MYO3B: variants seen among roughly 807,000 people sequenced by gnomAD.
MYO3B encodes myosin IIIB.
Under a neutral mutation model 174.6 loss-of-function variants are expected in MYO3B, and 156 were observed. That is an observed-to-expected ratio of 0.89 (90% CI 0.78 to 1.02). The LOEUF (loss-of-function observed/expected upper bound fraction) is 1.02. MYO3B is among the 50% of genes least tolerant of loss of function. The pLI, the probability that MYO3B is intolerant of heterozygous loss-of-function variation, is 0.00. For synonymous variants in MYO3B, 563 were observed against 569.1 expected (o/e 0.99, Z 0.15); for missense variants, 1,632 against 1,639.4 (o/e 1.00, Z 0.08).
chr2:170,467,107 C>A (rs11680017), intron 25 of MYO3B, among the ~76,000 whole-genome samples: 1 of 151,932 alleles, frequency 6.6e-6, no homozygotes, highest in Non-Finnish European at 1.5e-5. Flanking sequence ...TTACATAACA[C>A]CTGAAGTATC....
intron 32 of MYO3B, among the ~76,000 whole-genome samples, chr2:170,639,919 C>G (rs1016822064): frequency 3.9e-5 from 6 of 152,190 alleles, no homozygotes; most frequent in Non-Finnish European, 7.3e-5. Context: ...CTACTTTGGG[C>G]TCAAGCCATT....
At position 170,530,152 on chromosome 2, in the gene MYO3B, A is replaced by G. The variant is rs145363628; in HGVS notation, c.3575+10612A>G. 1.1e-3 allele frequency among the ~76,000 whole-genome samples: 166 copies of G among 152,306 alleles called. 1 individual carries two copies. The highest frequency in any genetic ancestry group is 3.8e-3 in the African/African-American group (159 of 41,578). On this transcript the variant is annotated intron_variant, in intron 30 of 34. Transcript: ENST00000408978. The stretch of plus-strand genomic sequence containing the variant: ...TGTCTCCTTGATGAATAGACAAAAC[A>G]GGAGGAGGGGTGAATTTGTTCTTTT...
chr2:170,378,080 A>C (rs11428142), intron 9 of MYO3B, among the ~76,000 whole-genome samples: 1 of 122,714 alleles, frequency 8.1e-6, no homozygotes, highest in African/African-American at 2.8e-5. Context: ...CAATAAAATT[A>C]AAAAAATAAA....
intron 32 of MYO3B, among the ~76,000 whole-genome samples, chr2:170,607,291 A>ATC (rs1369881237): frequency 1.3e-5 from 2 of 152,254 alleles, no homozygotes; most frequent in East Asian, 3.8e-4. Context: ...ATGATGCAGA[A>ATC]ATAAACAATC....
chr2:170,224,254 C>A (rs1324331014), intron 6 of MYO3B, among the ~76,000 whole-genome samples: 1 of 152,200 alleles, frequency 6.6e-6, no homozygotes, highest in Non-Finnish European at 1.5e-5. Flanking sequence ...TCCATTTGAT[C>A]ACTGAGGAAA....
intron 30 of MYO3B, among the ~76,000 whole-genome samples, chr2:170,542,286 G>C (rs997326496): frequency 2.6e-5 from 4 of 152,192 alleles, no homozygotes; most frequent in African/African-American, 9.6e-5. Flanking sequence ...CAAAAATTGG[G>C]GACCCAGACC....
intron 32 of MYO3B, among the ~76,000 whole-genome samples, chr2:170,599,877 AT>A (rs1399628379): frequency 6.6e-6 from 1 of 152,150 alleles, no homozygotes; most frequent in East Asian, 1.9e-4. Flanking sequence ...TGCTTTTATC[AT>A]TTTTTAAATT....
chr2:170,392,557 T>C, intron 16 of MYO3B, 62 bp downstream of exon 16: 2 of 1,096,380 alleles, frequency 1.8e-6, no homozygotes, highest in Non-Finnish European at 2.5e-6. Context: ...TGAGTAAAGA[T>C]GTGGTATTTC....
At chr2:170,553,102 C>T (rs552273183) in intron 32 of MYO3B, among the ~76,000 whole-genome samples, 3 of 152,258 alleles carry the variant, frequency 2.0e-5, no homozygotes, top group South Asian at 2.1e-4. Context: ...TGCAGAGCCT[C>T]ATGGAGAACC....
intron 7 of MYO3B, among the ~76,000 whole-genome samples, chr2:170,276,508 C>T (rs989572498): frequency 1.3e-5 from 2 of 152,106 alleles, no homozygotes; most frequent in African/African-American, 4.8e-5. Context: ...GTAGCCTAAC[C>T]GTCCTGCCAT....
At chr2:170,376,819 CAG>C (rs747140683) in intron 9 of MYO3B, among the ~76,000 whole-genome samples, 1 of 152,170 alleles carries the variant, frequency 6.6e-6, no homozygotes, top group Non-Finnish European at 1.5e-5. Context: ...TTTCTCAGTG[CAG>C]AGATTAACTT....
chr2:170,267,978 C>T (rs1486832846), intron 7 of MYO3B, among the ~76,000 whole-genome samples: 2 of 152,086 alleles, frequency 1.3e-5, no homozygotes, highest in African/African-American at 4.8e-5. Context: ...GAGGCCGAGG[C>T]GGGTGGATTA....
At chr2:170,303,199 A>T (rs2093677537) in intron 7 of MYO3B, among the ~76,000 whole-genome samples, 1 of 152,126 alleles carries the variant, frequency 6.6e-6, no homozygotes, top group Non-Finnish European at 1.5e-5. Flanking sequence ...TCTCCTACTA[A>T]AAAAAGTATT....
In MYO3B at chr2:170,632,451, C is replaced by G. The variant is rs564331025; in HGVS notation, c.3734-19177C>G. Among the ~76,000 whole-genome samples, 332 of 152,158 alleles carry G rather than the reference C, an allele frequency of 2.2e-3. 3 individuals are homozygous for G. The highest frequency in any genetic ancestry group is 7.7e-3 in the African/African-American group (318 of 41,514). On this transcript the variant is annotated intron_variant, in intron 32 of 34. Transcript: ENST00000408978. Reference sequence around the variant, plus strand: ...CCAACGAGAACAAAGACACAACATACCAGAATCTCTGGGACACATTTAAAG... The same window carrying G: ...CCAACGAGAACAAAGACACAACATAGCAGAATCTCTGGGACACATTTAAAG...
intron 32 of MYO3B, among the ~76,000 whole-genome samples, chr2:170,599,103 C>G (rs758997856): frequency 2.0e-5 from 3 of 152,066 alleles, no homozygotes; most frequent in Admixed American, 6.5e-5. Flanking sequence ...TGTTCATTTT[C>G]TTCAGTGTTT....
chr2:170,338,203 G>A (rs1054881220), intron 8 of MYO3B: 3 of 152,186 alleles, frequency 2.0e-5, no homozygotes, highest in Non-Finnish European at 2.9e-5. Flanking sequence ...ATGCCTTTGA[G>A]TATGCATACT....
chr2:170,554,078 C>G (rs1575156902), intron 32 of MYO3B, among the ~76,000 whole-genome samples: 1 of 152,080 alleles, frequency 6.6e-6, no homozygotes, highest in South Asian at 2.1e-4. Flanking sequence ...TTGGGTGGTT[C>G]TTTATAGCAA....
At chr2:170,464,629 A>G (rs979076781) in intron 24 of MYO3B, among the ~76,000 whole-genome samples, 5 of 152,174 alleles carry the variant, frequency 3.3e-5, no homozygotes, top group African/African-American at 1.2e-4. Flanking sequence ...TGGGCTCGGT[A>G]TGAATTGCAG....
intron 32 of MYO3B, among the ~76,000 whole-genome samples, chr2:170,618,286 G>A (rs978438162): frequency 6.6e-6 from 1 of 152,134 alleles, no homozygotes; most frequent in African/African-American, 2.4e-5. Context: ...AAGGAATATA[G>A]GCCCAATATG....
Sources: allele counts gnomAD v4.1 joint callset (sites outside exome capture counted in the v4.1 genomes callset), GRCh38; gene constraint gnomAD v4.1.1; transcripts MANE v1.5; gene names NCBI Gene and HGNC (gene_info 2026-07-23, HGNC 2026-07-21).